COL8A2: variants seen among roughly 807,000 people sequenced by gnomAD.
The protein encoded by COL8A2 is collagen type VIII alpha 2 chain, also known as collagen alpha-2(VIII) chain.
Under a neutral mutation model 24.0 loss-of-function variants are expected in COL8A2, and 16 were observed. The observed-to-expected ratio is 0.67, with a 90% CI of 0.45 to 1.01. COL8A2 has a LOEUF of 1.01. Ranked by LOEUF, COL8A2 falls within the 50% of genes least tolerant of loss-of-function variation. The pLI, the probability that COL8A2 is intolerant of heterozygous loss-of-function variation, is 0.00. For synonymous variants in COL8A2, 466 were observed against 424.5 expected (o/e 1.10, Z -1.20); for missense variants, 818 against 942.4 (o/e 0.87, Z 1.73).
In COL8A2 at chr1:36,097,447, G is replaced by T; in HGVS notation, c.*122C>A. On this transcript the variant is annotated 3_prime_UTR_variant, in exon 4 of 4. Coordinates refer to ENST00000397799, the MANE Select transcript of COL8A2 (RefSeq NM_005202.4). Reference sequence around the variant, plus strand: ...GGAGAAAGCAAGTTAGTCTCCTCGGGCCAAGGCCACGGCCGCCTCTGTTCA... The same window carrying T: ...GGAGAAAGCAAGTTAGTCTCCTCGGTCCAAGGCCACGGCCGCCTCTGTTCA... 1.2e-6 allele frequency: 1 copy of T among 823,230 alleles called. No individual in the cohort carries two copies. Among genetic ancestry groups the T allele is most frequent in the Non-Finnish European group, 2.0e-6 (1 of 509,754 alleles). 51.0% of individuals were successfully genotyped at this position (823,230 alleles called of 1,614,324 possible).
At position 36,122,685 on chromosome 1, in the gene COL8A2, G is replaced by A. The variant is rs977797476; in HGVS notation, c.-62+2372C>T. Among the ~76,000 whole-genome samples, 11 of 152,000 alleles carry A rather than the reference G, an allele frequency of 7.2e-5. No individual in the cohort carries two copies. In the East Asian group the frequency reaches 1.4e-3, roughly 19 times the overall value. On this transcript the variant is annotated intron_variant, in intron 1 of 3. Coordinates refer to ENST00000397799, the MANE Select transcript of COL8A2 (RefSeq NM_005202.4). ...ATGGCAACCGCCCACTTCATCCCCC[G>A]TCACCTTTCTCCTTAAACTCTGCCC...
At chr1:36,112,056 T>C (rs572663159) in intron 2 of COL8A2, among the ~76,000 whole-genome samples, 2 of 152,274 alleles carry the variant, frequency 1.3e-5, no homozygotes, top group African/African-American at 4.8e-5. Flanking sequence ...CAGGCTGGAG[T>C]GCAGTGACGC....
intron 1 of COL8A2, among the ~76,000 whole-genome samples, chr1:36,117,637 G>C (rs1643886249): frequency 6.6e-6 from 1 of 152,192 alleles, no homozygotes; most frequent in Non-Finnish European, 1.5e-5. Context: ...CAACAACCCA[G>C]TGACAAAAGT....
chr1:36,099,198 AG>A lies in COL8A2; in HGVS notation c.482del (p.Pro161LeufsTer76). ...TAATGCCTGAGGGGCCCGGGAGGCC[AG>A]GGGGTCCTGGGGGTCCCCGGAGGCC... ...DQGLRGPPGP[P>X]GLPGPSGITI... On this transcript the variant is annotated frameshift_variant, in exon 4 of 4. Coordinates refer to ENST00000397799, the MANE Select transcript of COL8A2 (RefSeq NM_005202.4). LOFTEE classifies it low-confidence loss of function (END_TRUNC). The A allele has an allele frequency of 6.6e-7, 1 of 1,518,890 alleles. No individual in the cohort carries two copies. Among genetic ancestry groups the A allele is most frequent in the Non-Finnish European group, 8.8e-7 (1 of 1,131,964 alleles). The allele number at this position is 1,518,890 out of a possible 1,614,324, so 94.1% of individuals were successfully genotyped here. A position where few individuals can be genotyped will look rare whatever the true frequency, so the allele number is the denominator to read the frequency against.
At position 36,097,747 on chromosome 1, in the gene COL8A2, G is replaced by A. The variant is rs200767854; in HGVS notation, c.1934C>T (p.Thr645Ile). Reference protein sequence around the residue: ...VALYKNNVPATYTYDEYKKGY... With the variant: ...VALYKNNVPAIYTYDEYKKGY... ...CTTCTTGTACTCATCGTAGGTATAG[G>A]TGGCCGGCACGTTGTTCTTGTACAG... is the stretch of plus-strand genomic sequence containing the variant. Residue 645 changes from threonine to isoleucine, a missense_variant, in exon 4 of 4, where the codon ACC becomes ATC. Physicochemically the swap from Thr to Ile is moderately conservative, Grantham distance 89. Coordinates refer to ENST00000397799, the MANE Select transcript of COL8A2 (RefSeq NM_005202.4). 148 of 1,613,838 alleles carry A rather than the reference G, an allele frequency of 9.2e-5. No homozygotes were observed. The highest frequency in any genetic ancestry group is 1.2e-4 in the Non-Finnish European group (142 of 1,180,024).
Position 36,123,719 on chromosome 1 carries a change from G to A in COL8A2, c.-62+1338C>T, listed in dbSNP as rs1328798988. ...CATGAATCTAATGAATGTTTGGGTC[G>A]GTGTGTGACTGTGCATGGCTCTCAG... On this transcript the variant is annotated intron_variant, in intron 1 of 3. Coordinates refer to ENST00000397799, the MANE Select transcript of COL8A2 (RefSeq NM_005202.4). The surrounding 1 kb of genome is among the most constrained non-coding windows in gnomAD (Gnocchi z 4.1). Among the ~76,000 whole-genome samples the A allele has an allele frequency of 3.9e-5, 6 of 152,166 alleles. No individual in the cohort carries two copies. Among genetic ancestry groups the A allele is most frequent in the Admixed American group, 6.5e-5 (1 of 15,276 alleles).
Position 36,097,416 on chromosome 1 carries a change from A to G in COL8A2, c.*153T>C. The G allele has an allele frequency of 4.4e-6, 3 of 676,348 alleles. No homozygotes were observed. Among genetic ancestry groups the G allele is most frequent in the Middle Eastern group, 4.2e-4 (1 of 2,364 alleles). The allele number at this position is 676,348 out of a possible 1,614,324, so 41.9% of individuals were successfully genotyped here. On this transcript the variant is annotated 3_prime_UTR_variant, in exon 4 of 4. Coordinates refer to ENST00000397799, the MANE Select transcript of COL8A2 (RefSeq NM_005202.4). ...CCTTCCAGAAACAATCTCAGCCTGC[A>G]TGCAGGGAGAAAGCAAGTTAGTCTC...
chr1:36,113,727 G>A (rs1643865815), intron 2 of COL8A2, among the ~76,000 whole-genome samples: 2 of 152,242 alleles, frequency 1.3e-5, no homozygotes, highest in African/African-American at 4.8e-5. Flanking sequence ...GCTGCCACCT[G>A]CCCACCTGGT....
chr1:36,116,151 G>A (rs1456352064), intron 1 of COL8A2, among the ~76,000 whole-genome samples: 1 of 151,484 alleles, frequency 6.6e-6, no homozygotes, highest in Non-Finnish European at 1.5e-5. Context: ...TGCCTGCCCC[G>A]GGCTTCTTAC....
chr1:36,120,207 C>G (rs1643900421), intron 1 of COL8A2, among the ~76,000 whole-genome samples: 1 of 152,150 alleles, frequency 6.6e-6, no homozygotes, highest in African/African-American at 2.4e-5. Flanking sequence ...GATTCCATTC[C>G]TTTTGGGAGG....
rs982838737 is a variant in COL8A2 at position 36,125,021 on chromosome 1, C to T, written c.-62+36G>A. 1.1e-6 allele frequency: 1 copy of T among 911,388 alleles called. No individual in the cohort carries two copies. Among genetic ancestry groups the T allele is most frequent in the Non-Finnish European group, 1.3e-6 (1 of 762,288 alleles). The allele number at this position is 911,388 out of a possible 1,614,324, so 56.5% of individuals were successfully genotyped here. ...CCCAGGTCTTGCCCTCGGAGCCCCC[C>T]AGCCCGAGCCCCGGTGCCCGCCTCC... On this transcript the variant is annotated intron_variant, in intron 1 of 3. Transcript: ENST00000397799. This position sits in a 1 kb window ranked among gnomAD's most constrained non-coding sequence, Gnocchi z 4.5.
At chr1:36,109,164 G>T (rs1557743720) in intron 2 of COL8A2, among the ~76,000 whole-genome samples, 1 of 152,106 alleles carries the variant, frequency 6.6e-6, no homozygotes. Context: ...CAGCCCCAGG[G>T]CCTGGCCAAA....
Position 36,098,019 on chromosome 1 carries a change from G to A in COL8A2, c.1662C>T (p.Ala554=), listed in dbSNP as rs753604558. The A allele has an allele frequency of 3.8e-5, 60 of 1,594,904 alleles. No homozygotes were observed. Among genetic ancestry groups the A allele is most frequent in the Middle Eastern group, 1.7e-4 (1 of 5,960 alleles). ...LHLPNGGVEG[A]VLGKGGKPQF... Reference sequence around the variant, plus strand: ...GTGGCTTGCCCCCCTTGCCCAGCACGGCACCCTCCACACCGCCGTTGGGCA... The same window carrying A: ...GTGGCTTGCCCCCCTTGCCCAGCACAGCACCCTCCACACCGCCGTTGGGCA... The change falls in exon 4 of 4, where the codon GCC becomes GCT. Residue 554 remains alanine (A), a synonymous_variant. Transcript: ENST00000397799.
intron 3 of COL8A2, 111 bp from the exon 4 acceptor site, chr1:36,099,598 G>T: frequency 2.4e-6 from 2 of 847,058 alleles, no homozygotes; most frequent in African/African-American, 1.7e-5. Context: ...GAAGAATGGG[G>T]CTGCCCCTTC....
At chr1:36,113,429 C>A (rs1445046781) in intron 2 of COL8A2, among the ~76,000 whole-genome samples, 4 of 152,190 alleles carry the variant, frequency 2.6e-5, no homozygotes, top group Non-Finnish European at 4.4e-5. Context: ...TTGGGTGGGA[C>A]CCTTGGGAAG....
intron 1 of COL8A2, among the ~76,000 whole-genome samples, chr1:36,122,162 T>A (rs1295035899): frequency 6.6e-6 from 1 of 152,106 alleles, no homozygotes; most frequent in Non-Finnish European, 1.5e-5. Context: ...TGTGCCCCCA[T>A]TGCATGTGTG....
Position 36,099,211 on chromosome 1 carries a change from G to C in COL8A2, c.470C>G (p.Pro157Arg), listed in dbSNP as rs778704210. The part of the protein sequence containing the change: ...GIRGDQGLRG[P>R]PGPPGLPGPS... ...GCCCGGGAGGCCAGGGGGTCCTGGG[G>C]GTCCCCGGAGGCCCTGGTCCCCTCG... Residue 157 changes from proline (P) to arginine (R), a missense_variant, in exon 4 of 4, where the codon CCC (proline) becomes CGC (arginine). Coordinates refer to ENST00000397799, the MANE Select transcript of COL8A2 (RefSeq NM_005202.4). 2 of 1,533,096 alleles carry C rather than the reference G, an allele frequency of 1.3e-6. No individual in the cohort carries two copies. Among genetic ancestry groups the C allele is most frequent in the Non-Finnish European group, 1.8e-6 (2 of 1,138,588 alleles). 95.0% of individuals were successfully genotyped at this position (1,533,096 alleles called of 1,614,324 possible).
chr1:36,108,178 G>A (rs1208670290), intron 2 of COL8A2, among the ~76,000 whole-genome samples: 1 of 152,382 alleles, frequency 6.6e-6, no homozygotes, highest in Middle Eastern at 3.4e-3. Flanking sequence ...ATCTGGGCTA[G>A]AACGGGAAAA....
At chr1:36,101,630 A>G (rs775634850) in intron 2 of COL8A2, among the ~76,000 whole-genome samples, 5 of 152,210 alleles carry the variant, frequency 3.3e-5, no homozygotes, top group African/African-American at 4.8e-5. Flanking sequence ...ACAATAACCT[A>G]TATGTGAATG....
Sources: allele counts gnomAD v4.1 joint callset (sites outside exome capture counted in the v4.1 genomes callset), GRCh38; gene constraint gnomAD v4.1.1; non-coding constraint Gnocchi (gnomAD v3.1); transcripts MANE v1.5; gene names NCBI Gene and HGNC (gene_info 2026-07-23, HGNC 2026-07-21).